The following PMEL variants were observed in gnomAD, a reference collection of about 807,000 sequenced individuals.
The protein encoded by PMEL is premelanosome protein.
Under a neutral mutation model 64.9 loss-of-function variants are expected in PMEL, and 53 were observed. The observed-to-expected ratio is 0.82, with a 90% CI of 0.66 to 1.03. The LOEUF (loss-of-function observed/expected upper bound fraction) is 1.03. Among genes scored for constraint, PMEL ranks in the 50% least tolerant of loss-of-function variants. The pLI is 0.00. For synonymous variants in PMEL, 299 were observed against 316.2 expected (o/e 0.95, Z 0.58); for missense variants, 716 against 814.9 (o/e 0.88, Z 1.48).
intron 1 of PMEL, among the ~76,000 whole-genome samples, chr12:55,964,102 C>T (rs1460814791): frequency 6.6e-6 from 1 of 152,102 alleles, no homozygotes; most frequent in Admixed American, 6.6e-5. Flanking sequence ...TCCTCATTAG[C>T]CTCCCAAGTG....
rs771617025 is a variant in PMEL, at chr12:55,955,293, G to A, written c.1831C>T (p.Leu611Phe). 1 of 1,611,966 alleles carries A rather than the reference G, an allele frequency of 6.2e-7. No individual in the cohort carries two copies. Among genetic ancestry groups the A allele is most frequent in the Non-Finnish European group, 8.5e-7 (1 of 1,179,314 alleles). ...GILLVLMAVV[L>F]ASLIYRRRLM... ...CCTTACCTATATATCAGAGATGCAA[G>A]GACCACAGCCATCAACACCAGCAAG... Residue 611 changes from leucine to phenylalanine, a missense_variant, in exon 10 of 11, where the codon CTT (leucine) becomes TTT (phenylalanine). Coordinates refer to ENST00000548747, the MANE Select transcript of PMEL (RefSeq NM_001384361.1).
At chr12:55,964,129 C>G (rs1001230883) in intron 1 of PMEL, among the ~76,000 whole-genome samples, 11 of 151,846 alleles carry the variant, frequency 7.2e-5, no homozygotes, top group Non-Finnish European at 1.6e-4. Context: ...ACCACAGGTG[C>G]TCACCACCAA....
At chr12:55,961,490 G>A (rs773370767) in intron 2 of PMEL, 27 bp from the exon 3 acceptor site, 1 of 1,613,208 alleles carries the variant, frequency 6.2e-7, no homozygotes, top group Admixed American at 1.7e-5. Context: ...CATTAGCTGG[G>A]ACTCCTGGGC....
At chr12:55,961,260 G>A in intron 3 of PMEL, 57 bp downstream of exon 3, 1 of 1,516,994 alleles carries the variant, frequency 6.6e-7, no homozygotes, top group Non-Finnish European at 9.2e-7. Context: ...GAGCTCACTG[G>A]GCATACCAGG....
At chr12:55,964,439 C>A (rs112943693) in intron 1 of PMEL, among the ~76,000 whole-genome samples, 1 of 150,820 alleles carries the variant, frequency 6.6e-6, no homozygotes, top group African/African-American at 2.4e-5. Flanking sequence ...GGATTACAGG[C>A]GTGAGCCACC....
chr12:55,955,727 A>G, intron 8 of PMEL, 52 bp downstream of exon 8: 2 of 1,608,462 alleles, frequency 1.2e-6, no homozygotes, highest in Non-Finnish European at 1.7e-6. Context: ...AATGCCAGAG[A>G]GCGGAGAAAC....
intron 7 of PMEL, 60 bp from the exon 8 acceptor site, chr12:55,955,923 G>C (rs1888867262): frequency 2.0e-6 from 3 of 1,474,588 alleles, no homozygotes; most frequent in Non-Finnish European, 2.8e-6. Context: ...CAAAAGCCCA[G>C]AGACAGAAAA....
intron 3 of PMEL, 178 bp from the exon 4 acceptor site, chr12:55,958,785 T>C (rs1019068514): frequency 6.4e-6 from 4 of 625,102 alleles, no homozygotes; most frequent in Admixed American, 6.3e-5. Flanking sequence ...GTGTGGAAAC[T>C]ACATTTTTTT....
intron 3 of PMEL, 148 bp from the exon 4 acceptor site, chr12:55,958,755 G>T: frequency 2.5e-6 from 2 of 802,094 alleles, no homozygotes; most frequent in Non-Finnish European, 3.8e-6. Context: ...ACCATTTGGG[G>T]TGGTAGTTGG....
In PMEL at chr12:55,957,525, A is replaced by G; in HGVS notation, c.778T>C (p.Trp260Arg). Residue 260 changes from tryptophan to arginine, a missense_variant, in exon 6 of 11, where the codon TGG becomes CGG. Physicochemically the swap from Trp to Arg is moderately radical, Grantham distance 101 (BLOSUM62 -3). Coordinates refer to ENST00000548747, the MANE Select transcript of PMEL (RefSeq NM_001384361.1). ...GTTCCACTACTGTCTCCAAAGTCCC[A>G]GGTGTAGGAGAGGTCAGCTTCAGCC... ...YLAEADLSYTWDFGDSSGTLI... is the reference protein window; with the variant it reads ...YLAEADLSYTRDFGDSSGTLI... 1 of 1,613,994 alleles carries G rather than the reference A, an allele frequency of 6.2e-7. No homozygotes were observed. Among genetic ancestry groups the G allele is most frequent in the Non-Finnish European group, 8.5e-7 (1 of 1,179,988 alleles).
chr12:55,962,710 G>A (rs563161022), intron 1 of PMEL, among the ~76,000 whole-genome samples: 22 of 150,774 alleles, frequency 1.5e-4, no homozygotes, highest in Admixed American at 4.0e-4. Context: ...TTTTAGTTTC[G>A]CCATGTTTCA....
intron 3 of PMEL, 184 bp from the exon 4 acceptor site, chr12:55,958,791 T>A (rs975387736): frequency 1.7e-6 from 1 of 596,928 alleles, no homozygotes; most frequent in African/African-American, 1.9e-5. Context: ...AAACTACATT[T>A]TTTTTTTAGA....
intron 1 of PMEL, among the ~76,000 whole-genome samples, chr12:55,962,448 CAAAAAAA>C (rs1197796228): frequency 1.2e-3 from 44 of 37,524 alleles, no homozygotes; most frequent in African/African-American, 3.1e-3. Context: ...GACTCCATCT[CAAAAAAA>C]AAAAAAAAAA....
At chr12:55,962,610 G>A (rs773006059) in intron 1 of PMEL, among the ~76,000 whole-genome samples, 5 of 126,522 alleles carry the variant, frequency 4.0e-5, no homozygotes, top group Admixed American at 9.7e-5. Context: ...TATAGCCTCC[G>A]CTTCCTGGAT....
Position 55,957,138 on chromosome 12 carries a change from G to T in PMEL, c.1165C>A (p.Leu389Met). The change falls in exon 6 of 11, where the codon CTG (leucine) becomes ATG (methionine). Residue 389 changes from leucine (L) to methionine (M), a missense_variant. Transcript: ENST00000548747. ...VPVSEVMGTT[L>M]AEMSTPEATG... ...GCCTCTGGAGTTGACATCTCTGCCA[G>T]TGTGGTACCCATGACCTCTGAAACT... is the stretch of plus-strand genomic sequence containing the variant. 1.2e-6 allele frequency: 2 copies of T among 1,614,196 alleles called. No homozygotes were observed. Among genetic ancestry groups the T allele is most frequent in the East Asian group, 4.5e-5 (2 of 44,884 alleles).
chr12:55,954,464 TCC>T (rs1299457840), intron 10 of PMEL, 115 bp from the exon 11 acceptor site: 1 of 1,037,834 alleles, frequency 9.6e-7, no homozygotes, highest in Non-Finnish European at 1.4e-6. Flanking sequence ...GATCCTAGCT[TCC>T]TCCCCTTCTC....
In PMEL at chr12:55,958,475, C is replaced by T; in HGVS notation, c.467G>A (p.Trp156Ter). The T allele has an allele frequency of 6.2e-7, 1 of 1,613,754 alleles. No individual in the cohort carries two copies. The highest frequency in any genetic ancestry group is 2.2e-5 in the East Asian group (1 of 44,874). ...AGGCTGAGAAGGGAGTCCCTCACCCCAGGTCTTCCAGACATAAACAAAGCT... is the reference window on the plus strand; with the variant it reads ...AGGCTGAGAAGGGAGTCCCTCACCCTAGGTCTTCCAGACATAAACAAAGCT... Reference protein sequence around the residue: ...KRSFVYVWKTWGQYWQVLGGP... With the variant: ...KRSFVYVWKT Residue 156 changes from tryptophan to a stop codon, truncating the protein, a stop_gained and splice_region_variant, in exon 4 of 11, where the codon TGG becomes TAG. Transcript: ENST00000548747. LOFTEE classifies it high-confidence loss of function.
At chr12:55,958,154 G>T in intron 4 of PMEL, 70 bp from the exon 5 acceptor site, 2 of 1,508,042 alleles carry the variant, frequency 1.3e-6, no homozygotes, top group Non-Finnish European at 1.8e-6. Flanking sequence ...GACAGGCTTC[G>T]AAACGGCACT....
Position 55,956,388 on chromosome 12 carries a change from G to A in PMEL, c.1355-169C>T. ...CTTATTCTATAGATAAGGAAACTGA[G>A]GCCCAGAAGAAGAAAATGACTCCTC... On this transcript the variant is annotated intron_variant, in intron 6 of 10. Coordinates refer to ENST00000548747, the MANE Select transcript of PMEL (RefSeq NM_001384361.1). 14 of 563,336 alleles carry A rather than the reference G, an allele frequency of 2.5e-5. No individual in the cohort carries two copies. In the South Asian group the frequency reaches 3.2e-4, roughly 13 times the overall value. The allele number at this position is 563,336 out of a possible 1,614,324, so 34.9% of individuals were successfully genotyped here. A position where few individuals can be genotyped will look rare whatever the true frequency, so the allele number is the denominator to read the frequency against.
Sources: allele counts gnomAD v4.1 joint callset (sites outside exome capture counted in the v4.1 genomes callset), GRCh38; gene constraint gnomAD v4.1.1; transcripts MANE v1.5; gene names NCBI Gene and HGNC (gene_info 2026-07-23, HGNC 2026-07-21).